The following FIGN variants were observed in gnomAD, a reference collection of about 807,000 sequenced individuals.
FIGN encodes fidgetin.
A neutral mutation model predicts 51.3 loss-of-function variants in FIGN; 11 were observed. The ratio of observed to expected loss-of-function variants is 0.21; its 90% CI spans 0.13 to 0.35. FIGN has a LOEUF of 0.35. Ranked by LOEUF, FIGN falls within the 10% of genes least tolerant of loss-of-function variation. FIGN has a pLI of 1.00. For missense variants in FIGN, 857 were observed against 943.6 expected (o/e 0.91, Z 1.20); for synonymous variants, 407 against 363.2 (o/e 1.12, Z -1.37).
chr2:163,667,377 A>G (rs931011003), intron 2 of FIGN, among the ~76,000 whole-genome samples: 1 of 151,998 alleles, frequency 6.6e-6, no homozygotes, highest in Non-Finnish European at 1.5e-5. Flanking sequence ...AAAAATGTAA[A>G]CATATCTTTG....
intron 2 of FIGN, among the ~76,000 whole-genome samples, chr2:163,622,525 G>T (rs181829832): frequency 1.3e-5 from 2 of 151,594 alleles, no homozygotes; most frequent in East Asian, 3.9e-4. Flanking sequence ...TAGAAGACGG[G>T]GATATTTTTC....
rs771282061 is a variant in FIGN at position 163,610,891 on chromosome 2, C to A, written c.941G>T (p.Ser314Ile). Residue 314 changes from serine (S) to isoleucine (I), a missense_variant, in exon 3 of 3, where the codon AGT (serine) becomes ATT (isoleucine). This residue lies in a region of FIGN where 799 missense variants were observed against 849.5 expected (regional missense o/e 0.94). Coordinates refer to ENST00000333129, the MANE Select transcript of FIGN (RefSeq NM_018086.4). ...GTAGAAAGCTTTCCTTTTGAGAGAA[C>A]TTGCTGAACTGTTTGTCAGAGCCGA... The part of the protein sequence containing the change: ...APSALTNSSA[S>I]SLKRKAFYMA... 2 of 1,613,354 alleles carry A rather than the reference C, an allele frequency of 1.2e-6. No homozygotes were observed. The highest frequency in any genetic ancestry group is 1.1e-5 in the South Asian group (1 of 91,062).
At position 163,667,407 on chromosome 2, in the gene FIGN, A is replaced by G. The variant is rs539427455; in HGVS notation, c.26-55601T>C. 3.3e-5 allele frequency among the ~76,000 whole-genome samples: 5 copies of G among 152,170 alleles called. 1 individual carries two copies. Among genetic ancestry groups the G allele is most frequent in the African/African-American group, 1.2e-4 (5 of 41,526 alleles). Reference sequence around the variant, plus strand: ...TCTTTGACCTGCTTGAAATCTGTCAACATTCATTAGTTTACCCACAGGAGG... The same window carrying G: ...TCTTTGACCTGCTTGAAATCTGTCAGCATTCATTAGTTTACCCACAGGAGG... On this transcript the variant is annotated intron_variant, in intron 2 of 2. Transcript: ENST00000333129.
At position 163,632,299 on chromosome 2, in the gene FIGN, G is replaced by A. The variant is rs539094370; in HGVS notation, c.26-20493C>T. Among the ~76,000 whole-genome samples, 43 of 152,178 alleles carry A rather than the reference G, an allele frequency of 2.8e-4. No individual in the cohort carries two copies. In the South Asian group the frequency reaches 7.7e-3, roughly 27 times the overall value. On this transcript the variant is annotated intron_variant, in intron 2 of 2. Transcript: ENST00000333129. The stretch of plus-strand genomic sequence containing the variant: ...CCTGGAAAGCGTGGGTTCAAATATC[G>A]AATTTCTAACTCCTGGGTCATCAGA...
intron 2 of FIGN, among the ~76,000 whole-genome samples, chr2:163,695,969 G>A (rs1162528680): frequency 6.6e-6 from 1 of 152,030 alleles, no homozygotes; most frequent in Non-Finnish European, 1.5e-5. Flanking sequence ...AAATTAGCCG[G>A]GCATGGTGGC....
intron 2 of FIGN, among the ~76,000 whole-genome samples, chr2:163,728,061 A>G (rs1684865705): frequency 6.6e-6 from 1 of 152,206 alleles, no homozygotes; most frequent in South Asian, 2.1e-4. Context: ...TGAAATGGTT[A>G]CTTTTCCTCT....
rs190861350 is a variant in FIGN, at chr2:163,627,062, G to A, written c.26-15256C>T. On this transcript the variant is annotated intron_variant, in intron 2 of 2. Transcript: ENST00000333129. ...ATAATACACCCTTTGTTTAGCATACGATCAAGAAATGACTATAAGTATACT... is the reference window on the plus strand; with the variant it reads ...ATAATACACCCTTTGTTTAGCATACAATCAAGAAATGACTATAAGTATACT... Among the ~76,000 whole-genome samples the A allele has an allele frequency of 2.2e-3, 342 of 152,132 alleles. 1 individual carries two copies. The highest frequency in any genetic ancestry group is 7.9e-3 in the African/African-American group (327 of 41,514).
intron 2 of FIGN, among the ~76,000 whole-genome samples, chr2:163,656,988 T>C (rs767477675): frequency 2.0e-5 from 3 of 152,070 alleles, no homozygotes; most frequent in African/African-American, 7.2e-5. Context: ...CAGATACATA[T>C]TGTAAATGGA....
intron 2 of FIGN, among the ~76,000 whole-genome samples, chr2:163,712,203 C>A (rs1259029577): frequency 6.6e-6 from 1 of 152,170 alleles, no homozygotes; most frequent in Non-Finnish European, 1.5e-5. Context: ...TAACTGCTCA[C>A]TGAATTACCA....
intron 2 of FIGN, among the ~76,000 whole-genome samples, chr2:163,615,926 C>T (rs556126862): frequency 5.9e-5 from 9 of 152,042 alleles, no homozygotes; most frequent in East Asian, 1.9e-4. Flanking sequence ...CATCATGCAA[C>T]GTGTTTTTTG....
chr2:163,617,828 T>C (rs1469360896), intron 2 of FIGN, among the ~76,000 whole-genome samples: 1 of 152,188 alleles, frequency 6.6e-6, no homozygotes, highest in Non-Finnish European at 1.5e-5. Flanking sequence ...TGTATTGCTA[T>C]TAAGATTACC....
intron 2 of FIGN, among the ~76,000 whole-genome samples, chr2:163,646,261 T>C (rs1057466661): frequency 1.3e-5 from 2 of 152,118 alleles, no homozygotes; most frequent in Admixed American, 6.5e-5. Flanking sequence ...TTTTTTTTTG[T>C]TAACTAAAAG....
chr2:163,613,769 A>G (rs546947174), intron 2 of FIGN, among the ~76,000 whole-genome samples: 2 of 152,236 alleles, frequency 1.3e-5, no homozygotes, highest in Non-Finnish European at 2.9e-5. Context: ...AAATGAATAA[A>G]GCAACAGGAT....
intron 2 of FIGN, among the ~76,000 whole-genome samples, chr2:163,622,618 G>T (rs115570798): frequency 0.013 from 1,935 of 152,026 alleles, 39 homozygotes; most frequent in African/African-American, 0.044. Flanking sequence ...CTGGAGCATG[G>T]TGGCACGATC....
chr2:163,654,409 T>C (rs1319784713), intron 2 of FIGN, among the ~76,000 whole-genome samples: 1 of 152,182 alleles, frequency 6.6e-6, no homozygotes, highest in African/African-American at 2.4e-5. Flanking sequence ...AGATACATTA[T>C]TGATGAAGAT....
intron 2 of FIGN, among the ~76,000 whole-genome samples, chr2:163,703,148 G>A (rs898256427): frequency 6.6e-6 from 1 of 151,522 alleles, no homozygotes; most frequent in Non-Finnish European, 1.5e-5. Flanking sequence ...AAAGAAAAAA[G>A]AGTTTTCTAA....
At chr2:163,711,360 A>C (rs1441594996) in intron 2 of FIGN, among the ~76,000 whole-genome samples, 3 of 152,208 alleles carry the variant, frequency 2.0e-5, no homozygotes, top group African/African-American at 4.8e-5. Flanking sequence ...AAATTTTTGC[A>C]AGAAAATACT....
chr2:163,714,413 TA>T (rs1684637266), intron 2 of FIGN, among the ~76,000 whole-genome samples: 1 of 152,194 alleles, frequency 6.6e-6, no homozygotes, highest in African/African-American at 2.4e-5. Context: ...AGAAACCTAG[TA>T]AGTGTCCTGC....
intron 2 of FIGN, among the ~76,000 whole-genome samples, chr2:163,733,567 A>C (rs1286250325): frequency 6.6e-6 from 1 of 152,244 alleles, no homozygotes; most frequent in African/African-American, 2.4e-5. Flanking sequence ...GGGGAAAAAA[A>C]GCTGTGCTCT....
Sources: allele counts gnomAD v4.1 joint callset (sites outside exome capture counted in the v4.1 genomes callset), GRCh38; gene constraint gnomAD v4.1.1; regional missense constraint gnomAD v4.1.1; transcripts MANE v1.5; gene names NCBI Gene and HGNC (gene_info 2026-07-23, HGNC 2026-07-21).